The following DIP2C variants were observed in gnomAD, a reference collection of about 807,000 sequenced individuals.
The protein encoded by DIP2C is DIP2 acetate--CoA ligase C (putative).
Under a neutral mutation model 192.4 loss-of-function variants are expected in DIP2C, and 33 were observed. The ratio of observed to expected loss-of-function variants is 0.17; its 90% CI spans 0.13 to 0.23. The LOEUF is 0.23. Ranked by LOEUF, DIP2C falls within the 10% of genes least tolerant of loss-of-function variation. The pLI is 1.00. For missense variants in DIP2C, 1,537 were observed against 2,110.1 expected (o/e 0.73, Z 5.32); for synonymous variants, 979 against 864.1 (o/e 1.13, Z -2.33).
chr10:327,113 T>G lies in DIP2C; in HGVS notation c.3817A>C (p.Ile1273Leu), dbSNP rs1382886244. ...CVVVAEERPR[I>L]ALTQSFSKLF... ...TTTGAGAACGACTGTGTGAGTGCGA[T>G]CCGAGGCCTCTCTTCCGCCACAACC... The change falls in exon 31 of 37, where the codon ATC (isoleucine) becomes CTC (leucine). Residue 1273 changes from isoleucine (I) to leucine (L), a missense_variant. By Grantham distance (5) the Ile-to-Leu change is conservative. Transcript: ENST00000280886. 1 of 1,614,120 alleles carries G rather than the reference T, an allele frequency of 6.2e-7. No homozygotes were observed. Among genetic ancestry groups the G allele is most frequent in the Non-Finnish European group, 8.5e-7 (1 of 1,180,024 alleles).
At chr10:380,912 C>A (rs910253641) in intron 17 of DIP2C, among the ~76,000 whole-genome samples, 2 of 152,196 alleles carry the variant, frequency 1.3e-5, no homozygotes, top group South Asian at 4.1e-4. Context: ...TCCAAAAACA[C>A]GCATCTGTCC....
intron 34 of DIP2C, among the ~76,000 whole-genome samples, chr10:285,406 G>C (rs946643648): frequency 6.6e-6 from 1 of 152,196 alleles, no homozygotes. Flanking sequence ...GGACAGGACA[G>C]GTGATAAGGG....
At chr10:455,986 A>G (rs546274314) in intron 3 of DIP2C, among the ~76,000 whole-genome samples, 15 of 44,544 alleles carry the variant, frequency 3.4e-4, no homozygotes, top group East Asian at 9.4e-4. Flanking sequence ...AACACTCTGC[A>G]GTGAGTCCCT....
intron 5 of DIP2C, among the ~76,000 whole-genome samples, chr10:422,038 T>G (rs745425287): frequency 8.3e-6 from 1 of 120,270 alleles, no homozygotes; most frequent in Non-Finnish European, 1.7e-5. Flanking sequence ...TTCCCACTGA[T>G]GATTTTTTCA....
chr10:531,888 C>CA (rs1260754580), intron 1 of DIP2C, among the ~76,000 whole-genome samples: 1 of 152,238 alleles, frequency 6.6e-6, no homozygotes, highest in Non-Finnish European at 1.5e-5. Flanking sequence ...AGCTCCAGCA[C>CA]AACTACCATA....
At chr10:685,110 G>A (rs1188210059) in intron 1 of DIP2C, among the ~76,000 whole-genome samples, 4 of 126,416 alleles carry the variant, frequency 3.2e-5, no homozygotes, top group African/African-American at 1.3e-4. Context: ...CCCCAGCCTG[G>A]GCAACAAGAG....
At chr10:683,004 G>A (rs370211046) in intron 1 of DIP2C, among the ~76,000 whole-genome samples, 131 of 152,280 alleles carry the variant, frequency 8.6e-4, no homozygotes, top group Middle Eastern at 6.8e-3. Flanking sequence ...CATACCTACT[G>A]CACAAAGCAC....
Position 639,246 on chromosome 10 carries a change from G to A in DIP2C, c.85+50248C>T, listed in dbSNP as rs1337787813. 3.4e-4 allele frequency among the ~76,000 whole-genome samples: 49 copies of A among 144,036 alleles called. 1 individual carries two copies. The highest frequency in any genetic ancestry group is 1.3e-3 in the African/African-American group (49 of 39,004). The allele number at this position is 144,036 out of a possible 152,430, so 94.5% of individuals were successfully genotyped here. ...ACGGTCCACACATGGGGACGCGTCA[G>A]GTCGGGGGGTGCTGCCCGGCTCACG... On this transcript the variant is annotated intron_variant, in intron 1 of 36. Transcript: ENST00000280886.
At chr10:364,298 C>A (rs1959915086) in intron 20 of DIP2C, 76 bp downstream of exon 20, 1 of 1,518,378 alleles carries the variant, frequency 6.6e-7, no homozygotes, top group East Asian at 2.3e-5. Flanking sequence ...AACTGTGCAA[C>A]TTTCAACCCT....
intron 1 of DIP2C, among the ~76,000 whole-genome samples, chr10:590,043 G>C (rs1851310910): frequency 6.6e-6 from 1 of 152,220 alleles, no homozygotes; most frequent in Admixed American, 6.5e-5. Context: ...AGGTAGGAGT[G>C]GTTTCCACAT....
chr10:340,119 T>G (rs1369110058), intron 29 of DIP2C, among the ~76,000 whole-genome samples: 2 of 151,650 alleles, frequency 1.3e-5, no homozygotes, highest in African/African-American at 2.4e-5. Context: ...AGGCAGAGGT[T>G]GCAGTGAGCT....
intron 28 of DIP2C, among the ~76,000 whole-genome samples, chr10:342,074 C>T (rs896065853): frequency 1.4e-4 from 22 of 152,154 alleles, no homozygotes; most frequent in Non-Finnish European, 2.9e-5. Flanking sequence ...ACTGTTGGTC[C>T]TCCAGGACCT....
At chr10:686,731 G>C (rs1286414490) in intron 1 of DIP2C, among the ~76,000 whole-genome samples, 1 of 152,276 alleles carries the variant, frequency 6.6e-6, no homozygotes, top group Non-Finnish European at 1.5e-5. Context: ...ACGGGACAGG[G>C]ACAGGCAGTG....
chr10:424,207 GGTTT>G (rs549403201), intron 4 of DIP2C, among the ~76,000 whole-genome samples: 59 of 152,054 alleles, frequency 3.9e-4, no homozygotes, highest in Admixed American at 2.0e-3. Flanking sequence ...TTAAGACACG[GGTTT>G]GTTTTTTAAA....
intron 4 of DIP2C, among the ~76,000 whole-genome samples, chr10:431,445 T>G (rs951808818): frequency 6.6e-6 from 1 of 152,210 alleles, no homozygotes; most frequent in Admixed American, 6.5e-5. Flanking sequence ...TACTGGAAAT[T>G]TTTTTTTAAA....
Position 389,976 on chromosome 10 carries a change from G to A in DIP2C, c.1597+15C>T. 3 of 1,605,456 alleles carry A rather than the reference G, an allele frequency of 1.9e-6. No individual in the cohort carries two copies. The highest frequency in any genetic ancestry group is 2.6e-6 in the Non-Finnish European group (3 of 1,174,946). Reference sequence around the variant, plus strand: ...TAGAACCAGGGTCCCAAGGAGTCAGGGTCTGGCACCCCACCTTCCGTGTAG... The same window carrying A: ...TAGAACCAGGGTCCCAAGGAGTCAGAGTCTGGCACCCCACCTTCCGTGTAG... On this transcript the variant is annotated intron_variant, in intron 13 of 36. Coordinates refer to ENST00000280886, the MANE Select transcript of DIP2C (RefSeq NM_014974.3).
At chr10:321,099 C>A (rs180988551) in intron 31 of DIP2C, among the ~76,000 whole-genome samples, 67 of 152,278 alleles carry the variant, frequency 4.4e-4, no homozygotes, top group African/African-American at 9.6e-4. Context: ...GGTGGGAGGA[C>A]CAGAGTGCCA....
intron 1 of DIP2C, among the ~76,000 whole-genome samples, chr10:510,023 G>A (rs1390098841): frequency 6.6e-6 from 1 of 152,190 alleles, no homozygotes; most frequent in African/African-American, 2.4e-5. Flanking sequence ...AGCGCGGCCT[G>A]CAGCAAACCA....
intron 1 of DIP2C, among the ~76,000 whole-genome samples, chr10:559,203 G>A (rs1046978029): frequency 1.3e-5 from 2 of 152,208 alleles, no homozygotes; most frequent in Non-Finnish European, 2.9e-5. Context: ...TACATCTCAG[G>A]TGAATCACTT....
Sources: gnomAD v4.1 joint callset for allele counts (sites outside exome capture counted in the v4.1 genomes callset) on GRCh38, gnomAD v4.1.1 for gene constraint, MANE v1.5 for transcripts, NCBI Gene and HGNC (gene_info 2026-07-23, HGNC 2026-07-21) for gene names.